The following ANKFN1 variants were observed in gnomAD, a reference collection of about 807,000 sequenced individuals.
The protein encoded by ANKFN1 is ankyrin repeat and fibronectin type III domain containing 1, also known as ankyrin repeat and fibronectin type-III domain-containing protein 1.
ANKFN1 carries 74 observed loss-of-function variants against 108.7 expected under a neutral mutation model. That is an observed-to-expected ratio of 0.68 (90% CI 0.56 to 0.83). ANKFN1 has a LOEUF of 0.83. ANKFN1 is among the 40% of genes least tolerant of loss of function. The probability of loss-of-function intolerance (pLI) is 0.00; values close to 1 mark genes in which losing one functional copy is unlikely to be tolerated. For synonymous variants in ANKFN1, 547 were observed against 516.2 expected (o/e 1.06, Z -0.81); for missense variants, 1,505 against 1,382.3 (o/e 1.09, Z -1.41).
chr17:56,477,470 T>C lies in ANKFN1; in HGVS notation c.1774-18T>C, dbSNP rs777059637. The stretch of plus-strand genomic sequence containing the variant: ...TTGTTTTCTTGTTTTCTTTTTTTTT[T>C]TTTTTTTAACCCTACAGGATATTCT... On this transcript the variant is annotated intron_variant, in intron 15 of 20. Transcript: ENST00000682825. 6 of 1,501,630 alleles carry C rather than the reference T, an allele frequency of 4.0e-6. No individual in the cohort carries two copies. In the South Asian group the frequency reaches 8.2e-5, roughly 20 times the overall value. 93.0% of individuals were successfully genotyped at this position (1,501,630 alleles called of 1,614,324 possible).
intron 16 of ANKFN1, among the ~76,000 whole-genome samples, 156 bp downstream of exon 16, chr17:56,477,810 T>G (rs966516130): frequency 1.2e-4 from 18 of 152,140 alleles, no homozygotes; most frequent in Non-Finnish European, 1.8e-4. Flanking sequence ...AGCTTAGTTT[T>G]GGGGTTTTTT....
intron 1 of ANKFN1, among the ~76,000 whole-genome samples, chr17:56,181,985 T>C (rs1377600204): frequency 1.3e-5 from 2 of 152,216 alleles, no homozygotes; most frequent in Non-Finnish European, 1.5e-5. Context: ...TGATCTTTGA[T>C]GTTACCATTG....
At position 56,188,543 on chromosome 17, in the gene ANKFN1, A is replaced by ATGTGTGTG. The variant is rs1466873294; in HGVS notation, c.-70-24054_-70-24053insGTGTGTGT. On this transcript the variant is annotated intron_variant, in intron 1 of 20. Coordinates refer to ENST00000682825, the MANE Select transcript of ANKFN1 (RefSeq NM_001370326.1). The stretch of plus-strand genomic sequence containing the variant: ...ATATATAAGAAATAAAATAAGATGT[A>ATGTGTGTG]TATGTGTGTGTGTGTGTGTATGTGT... 3.7e-3 allele frequency among the ~76,000 whole-genome samples: 274 copies of ATGTGTGTG among 73,942 alleles called. 15 individuals are homozygous for ATGTGTGTG. The highest frequency in any genetic ancestry group is 0.02 in the South Asian group (40 of 2,042). 48.5% of individuals were successfully genotyped at this position (73,942 alleles called of 152,430 possible).
chr17:56,162,272 C>A (rs1363642567), intron 1 of ANKFN1, among the ~76,000 whole-genome samples: 1 of 152,158 alleles, frequency 6.6e-6, no homozygotes, highest in African/African-American at 2.4e-5. Context: ...TGCTTAGGGC[C>A]GCCTCACAAA....
intron 8 of ANKFN1, among the ~76,000 whole-genome samples, chr17:56,386,020 G>A (rs1302643699): frequency 9.2e-5 from 14 of 152,146 alleles, no homozygotes; most frequent in South Asian, 2.1e-4. Context: ...ACACATGCAC[G>A]CGTATGTTTA....
At chr17:56,413,076 A>T (rs886920489) in intron 8 of ANKFN1, among the ~76,000 whole-genome samples, 3 of 152,122 alleles carry the variant, frequency 2.0e-5, no homozygotes, top group Non-Finnish European at 2.9e-5. Context: ...GCTTATTTCA[A>T]GTGCCTCGAA....
chr17:56,278,031 C>G (rs1319552423), intron 3 of ANKFN1, among the ~76,000 whole-genome samples: 2 of 152,162 alleles, frequency 1.3e-5, no homozygotes, highest in Non-Finnish European at 2.9e-5. Flanking sequence ...GGAAGGTAAA[C>G]ATTTATAGAG....
chr17:56,331,413 C>T lies in ANKFN1; in HGVS notation c.188+5058C>T, dbSNP rs143868155. Among the ~76,000 whole-genome samples the T allele has an allele frequency of 9.9e-3, 1,514 of 152,320 alleles. 22 individuals are homozygous for T. The highest frequency in any genetic ancestry group is 0.034 in the African/African-American group (1,404 of 41,576). ...TATGCTATGTCTTACAACTGCTTCT[C>T]ATCCAGACTGGCTCAGACCTTTTGT... On this transcript the variant is annotated intron_variant, in intron 4 of 20. Transcript: ENST00000682825.
At chr17:56,381,046 G>T (rs2047087852) in intron 8 of ANKFN1, among the ~76,000 whole-genome samples, 1 of 152,196 alleles carries the variant, frequency 6.6e-6, no homozygotes, top group African/African-American at 2.4e-5. Context: ...CCCAGTAGCG[G>T]CAGACTGACA....
chr17:56,274,298 C>T (rs57946418), intron 3 of ANKFN1, among the ~76,000 whole-genome samples: 3,630 of 152,076 alleles, frequency 0.024, 168 homozygotes, highest in African/African-American at 0.083. Context: ...ATGGTGAAAC[C>T]CCGTCTCTAG....
intron 1 of ANKFN1, among the ~76,000 whole-genome samples, chr17:56,161,701 A>G (rs568798533): frequency 5.6e-4 from 85 of 152,326 alleles, no homozygotes; most frequent in Non-Finnish European, 9.3e-4. Flanking sequence ...ATAGAGGATT[A>G]AAAGAGACCT....
chr17:56,143,823 C>G (rs745813838), intron 4 of ANKFN1, among the ~76,000 whole-genome samples: 7 of 151,998 alleles, frequency 4.6e-5, no homozygotes, highest in Non-Finnish European at 1.0e-4. Flanking sequence ...CCAACGAATC[C>G]CAAGGACTGC....
chr17:56,406,941 A>G (rs1008873259), intron 8 of ANKFN1, among the ~76,000 whole-genome samples: 7 of 152,188 alleles, frequency 4.6e-5, no homozygotes, highest in Non-Finnish European at 8.8e-5. Context: ...TAAATAACCA[A>G]TCTTTTCTAG....
At chr17:56,199,684 A>C (rs1187283158) in intron 1 of ANKFN1, among the ~76,000 whole-genome samples, 1 of 152,184 alleles carries the variant, frequency 6.6e-6, no homozygotes, top group Non-Finnish European at 1.5e-5. Flanking sequence ...TAGTCTGTCG[A>C]GGTGTACCAG....
Position 56,073,931 on chromosome 17 carries a change from C to A in ANKFN1, c.288+27606C>A, listed in dbSNP as rs150486446. Among the ~76,000 whole-genome samples, 12 of 152,164 alleles carry A rather than the reference C, an allele frequency of 7.9e-5. No homozygotes were observed. The East Asian group carries it at 2.3e-3, about 29-fold the overall frequency. On this transcript the variant is annotated intron_variant, in intron 4 of 12. Coordinates refer to the ANKFN1 transcript ENST00000635860. ...TGATGAGTATTTGGGTTGTTTCCACCTTTTGGAGATTGTGTTACTTGAGCA... is the reference window on the plus strand; with the variant it reads ...TGATGAGTATTTGGGTTGTTTCCACATTTTGGAGATTGTGTTACTTGAGCA...
At chr17:56,303,895 A>G in intron 3 of ANKFN1, among the ~76,000 whole-genome samples, 1 of 138,392 alleles carries the variant, frequency 7.2e-6, no homozygotes, top group Non-Finnish European at 1.5e-5. Flanking sequence ...ACAGGGTTTC[A>G]CCATTTTGGC....
chr17:56,081,877 C>T (rs2143167081), intron 4 of ANKFN1, among the ~76,000 whole-genome samples: 1 of 152,286 alleles, frequency 6.6e-6, no homozygotes, highest in East Asian at 1.9e-4. Flanking sequence ...GGTCATATAC[C>T]AGTTAAATTC....
At chr17:56,475,845 A>C (rs945770902) in intron 15 of ANKFN1, among the ~76,000 whole-genome samples, 1 of 152,160 alleles carries the variant, frequency 6.6e-6, no homozygotes, top group Non-Finnish European at 1.5e-5. Flanking sequence ...TTTCTCCTAT[A>C]CTAAGTGTAT....
At chr17:56,171,261 G>T (rs1910674984) in intron 1 of ANKFN1, among the ~76,000 whole-genome samples, 1 of 152,136 alleles carries the variant, frequency 6.6e-6, no homozygotes, top group East Asian at 1.9e-4. Flanking sequence ...GGAAGTGAGG[G>T]ACTAGTGCTG....
Sources: gnomAD v4.1 joint callset for allele counts (sites outside exome capture counted in the v4.1 genomes callset) on GRCh38, gnomAD v4.1.1 for gene constraint, MANE v1.5 for transcripts, NCBI Gene and HGNC (gene_info 2026-07-23, HGNC 2026-07-21) for gene names.